The following MYO1D variants were observed in gnomAD, a reference collection of about 807,000 sequenced individuals.
MYO1D encodes the protein myosin ID, also known as unconventional myosin-Id.
MYO1D carries 83 observed loss-of-function variants against 122.0 expected under a neutral mutation model. That is an observed-to-expected ratio of 0.68 (90% CI 0.57 to 0.82). The LOEUF (loss-of-function observed/expected upper bound fraction) is 0.82. Among genes scored for constraint, MYO1D ranks in the 40% least tolerant of loss-of-function variants. The pLI, the probability that MYO1D is intolerant of heterozygous loss-of-function variation, is 0.00. For synonymous variants in MYO1D, 464 were observed against 446.9 expected (o/e 1.04, Z -0.48); for missense variants, 1,157 against 1,269.5 (o/e 0.91, Z 1.35).
At chr17:32,742,421 T>A (rs902105071) in intron 13 of MYO1D, among the ~76,000 whole-genome samples, 4 of 152,228 alleles carry the variant, frequency 2.6e-5, no homozygotes, top group African/African-American at 9.6e-5. Context: ...CTGGGCTATA[T>A]TAGTTCACCA....
At chr17:32,763,781 G>A (rs187997962) in intron 8 of MYO1D, among the ~76,000 whole-genome samples, 130 of 152,200 alleles carry the variant, frequency 8.5e-4, no homozygotes, top group African/African-American at 2.8e-3. Flanking sequence ...TTAGCTGGGC[G>A]TGGTGGCACA....
At chr17:32,875,755 A>T (rs1180554242) in intron 1 of MYO1D, among the ~76,000 whole-genome samples, 1 of 152,218 alleles carries the variant, frequency 6.6e-6, no homozygotes, top group Non-Finnish European at 1.5e-5. Context: ...TAAGCACCCA[A>T]GCCTAGATTA....
chr17:32,840,421 T>C (rs923547584), intron 1 of MYO1D, among the ~76,000 whole-genome samples: 2 of 152,138 alleles, frequency 1.3e-5, no homozygotes, highest in Non-Finnish European at 2.9e-5. Flanking sequence ...TGGGTTCAGA[T>C]TACAGGTGTG....
At chr17:32,704,581 A>C (rs1007779820) in intron 16 of MYO1D, among the ~76,000 whole-genome samples, 2 of 152,226 alleles carry the variant, frequency 1.3e-5, no homozygotes, top group African/African-American at 4.8e-5. Context: ...AAAATAATCA[A>C]GGATATTTAG....
intron 21 of MYO1D, among the ~76,000 whole-genome samples, chr17:32,598,246 C>T (rs148936602): frequency 5.9e-5 from 9 of 152,188 alleles, no homozygotes; most frequent in African/African-American, 1.4e-4. Flanking sequence ...TGGTGACACA[C>T]GCCTGCAATT....
intron 16 of MYO1D, among the ~76,000 whole-genome samples, chr17:32,706,828 C>T (rs1174384627): frequency 2.6e-5 from 4 of 152,092 alleles, no homozygotes; most frequent in African/African-American, 9.7e-5. Flanking sequence ...TCCTGAGTAG[C>T]TGGGACTATA....
chr17:32,739,255 A>G (rs1425108755), intron 13 of MYO1D, among the ~76,000 whole-genome samples: 3 of 152,118 alleles, frequency 2.0e-5, no homozygotes, highest in Non-Finnish European at 4.4e-5. Context: ...AATGTCCATC[A>G]ATGATAGACT....
At chr17:32,662,677 A>C (rs1351218487) in intron 16 of MYO1D, among the ~76,000 whole-genome samples, 3 of 149,884 alleles carry the variant, frequency 2.0e-5, no homozygotes, top group East Asian at 3.9e-4. Flanking sequence ...TCTCAAAAGA[A>C]AAAAAAAAAG....
chr17:32,761,828 C>T (rs2090004988), intron 8 of MYO1D, among the ~76,000 whole-genome samples: 1 of 152,086 alleles, frequency 6.6e-6, no homozygotes, highest in Non-Finnish European at 1.5e-5. Flanking sequence ...CTTTTAGCCA[C>T]AAATAAATAG....
chr17:32,614,319 G>T (rs569991431), intron 20 of MYO1D, among the ~76,000 whole-genome samples: 2 of 148,228 alleles, frequency 1.3e-5, no homozygotes, highest in Non-Finnish European at 3.0e-5. Context: ...AAATTGTAGC[G>T]GTCACTTAAT....
chr17:32,576,425 G>A (rs1473544654), intron 21 of MYO1D, among the ~76,000 whole-genome samples: 1 of 152,160 alleles, frequency 6.6e-6, no homozygotes, highest in Admixed American at 6.5e-5. Flanking sequence ...TAAAAGGACG[G>A]TGACAAGGTT....
At chr17:32,622,436 TG>T in intron 20 of MYO1D, among the ~76,000 whole-genome samples, 1 of 152,180 alleles carries the variant, frequency 6.6e-6, no homozygotes, top group African/African-American at 2.4e-5. Flanking sequence ...TATGTTCTAA[TG>T]GGGGTGTGGG....
intron 19 of MYO1D, among the ~76,000 whole-genome samples, chr17:32,652,917 G>A (rs982559156): frequency 6.6e-6 from 1 of 152,136 alleles, no homozygotes; most frequent in Non-Finnish European, 1.5e-5. Context: ...CGAGGCGGGC[G>A]GATCACGAGG....
chr17:32,843,977 G>A (rs1042973711), intron 1 of MYO1D, among the ~76,000 whole-genome samples: 1 of 151,236 alleles, frequency 6.6e-6, no homozygotes, highest in East Asian at 1.9e-4. Context: ...TAAGAAAAAA[G>A]ATAAATATAT....
intron 16 of MYO1D, among the ~76,000 whole-genome samples, chr17:32,683,225 G>A (rs1401074954): frequency 2.6e-5 from 4 of 151,200 alleles, no homozygotes; most frequent in African/African-American, 4.9e-5. Flanking sequence ...TAATTTGATC[G>A]TCTGAAGCCT....
intron 21 of MYO1D, among the ~76,000 whole-genome samples, chr17:32,545,042 G>A (rs1455907474): frequency 1.3e-5 from 2 of 152,228 alleles, no homozygotes; most frequent in African/African-American, 4.8e-5. Context: ...CTTAGTGTAG[G>A]GGAGCAAGGG....
Position 32,633,368 on chromosome 17 carries a change from T to C in MYO1D, c.2709+5354A>G, listed in dbSNP as rs149934228. On this transcript the variant is annotated intron_variant, in intron 20 of 21. Coordinates refer to ENST00000318217, the MANE Select transcript of MYO1D (RefSeq NM_015194.3). ...AATATTAGGAACACAAAGGAGTATA[T>C]ACCTATAGGTACAATGAAGAGCTCT... Among the ~76,000 whole-genome samples the C allele has an allele frequency of 4.0e-3, 603 of 152,264 alleles. 4 individuals carry two copies. Among genetic ancestry groups the C allele is most frequent in the African/African-American group, 0.014 (586 of 41,530 alleles).
At chr17:32,649,644 T>C (rs1229567983) in intron 19 of MYO1D, among the ~76,000 whole-genome samples, 1 of 144,008 alleles carries the variant, frequency 6.9e-6, no homozygotes, top group East Asian at 2.1e-4. Context: ...CGATCTCAGC[T>C]CACTGCAACC....
intron 1 of MYO1D, among the ~76,000 whole-genome samples, chr17:32,858,650 T>C (rs190345967): frequency 7.7e-4 from 118 of 152,368 alleles, no homozygotes; most frequent in Non-Finnish European, 1.5e-3. Flanking sequence ...ATTTCTGACA[T>C]TGTTCATTTT....
Sources: gnomAD v4.1 joint callset for allele counts (sites outside exome capture counted in the v4.1 genomes callset) on GRCh38, gnomAD v4.1.1 for gene constraint, MANE v1.5 for transcripts, NCBI Gene and HGNC (gene_info 2026-07-23, HGNC 2026-07-21) for gene names.